CDC37: variants seen among roughly 807,000 people sequenced by gnomAD.
CDC37 encodes the protein cell division cycle 37, HSP90 cochaperone.
In CDC37, 9 loss-of-function variants were observed where a neutral mutation model predicts 46.9. The observed-to-expected ratio is 0.19, with a 90% confidence interval of 0.12 to 0.33. CDC37 has a LOEUF of 0.33. Ranked by LOEUF, CDC37 falls within the 10% of genes least tolerant of loss-of-function variation. The pLI, the probability that CDC37 is intolerant of heterozygous loss-of-function variation, is 1.00. For missense variants in CDC37, 388 were observed against 514.6 expected, an observed-to-expected ratio of 0.75 and a Z score of 2.38; for synonymous variants, 193 against 191.0, an observed-to-expected ratio of 1.01 and a Z score of -0.09.
chr19:10,399,788 C>A (rs2633972), intron 1 of CDC37, among the ~76,000 whole-genome samples: 2,737 of 151,624 alleles, frequency 0.018, 86 homozygotes, highest in African/African-American at 0.063. Context: ...AAAAATTAGC[C>A]GGGCATGGTG....
intron 5 of CDC37, among the ~76,000 whole-genome samples, chr19:10,394,178 T>C (rs1030735170): frequency 2.6e-5 from 4 of 152,070 alleles, no homozygotes; most frequent in Admixed American, 2.0e-4. Context: ...GCACTAGAAT[T>C]GCTTGAACCC....
intron 4 of CDC37, 41 bp downstream of exon 4, chr19:10,395,187 T>C (rs1428649473): frequency 6.2e-7 from 1 of 1,613,006 alleles, no homozygotes; most frequent in Non-Finnish European, 8.5e-7. Context: ...GGCGGCCTCA[T>C]GGCAGCGCCT....
chr19:10,391,764 C>A, intron 7 of CDC37, 58 bp from the exon 8 acceptor site: 1 of 1,573,012 alleles, frequency 6.4e-7, no homozygotes, highest in South Asian at 1.1e-5. Context: ...CCCCGTTGTC[C>A]CCGTTGTCCC....
chr19:10,402,399 C>A (rs1440304963), intron 1 of CDC37, among the ~76,000 whole-genome samples: 3 of 151,850 alleles, frequency 2.0e-5, no homozygotes, highest in Non-Finnish European at 4.4e-5. Flanking sequence ...CCAGGAGAGT[C>A]CCTGGATAAG....
intron 7 of CDC37, 176 bp downstream of exon 7, chr19:10,392,910 T>G: frequency 1.6e-6 from 1 of 618,264 alleles, no homozygotes; most frequent in South Asian, 1.9e-5. Context: ...TGCTGGATAC[T>G]GGGATACAGT....
rs573720965 is a variant in CDC37, at chr19:10,391,310, C to T, written c.*241G>A. 3.7e-6 allele frequency: 2 copies of T among 539,214 alleles called. No individual in the cohort carries two copies. Among genetic ancestry groups the T allele is most frequent in the East Asian group, 6.7e-5 (2 of 29,972 alleles). The allele number at this position is 539,214 out of a possible 1,614,324, so 33.4% of individuals were successfully genotyped here. A position where few individuals can be genotyped will look rare whatever the true frequency, so the allele number is the denominator to read the frequency against. On this transcript the variant is annotated 3_prime_UTR_variant, in exon 8 of 8. Transcript: ENST00000222005. The stretch of plus-strand genomic sequence containing the variant: ...TCTGCCCTTCCCCGGACCCCCGGGC[C>T]TTTGGCATAATGCTGATGGGGGGCT...
chr19:10,402,267 T>G (rs2042523288), intron 1 of CDC37, among the ~76,000 whole-genome samples: 1 of 151,702 alleles, frequency 6.6e-6, no homozygotes, highest in African/African-American at 2.4e-5. Flanking sequence ...AGTCATCCCA[T>G]TGGCTCGTGA....
Position 10,393,610 on chromosome 19 carries a change from C to A in CDC37, c.727-169G>T. 1 of 657,270 alleles carries A rather than the reference C, an allele frequency of 1.5e-6. No individual in the cohort carries two copies. The highest frequency in any genetic ancestry group is 2.5e-6 in the Non-Finnish European group (1 of 403,088). 40.7% of individuals were successfully genotyped at this position (657,270 alleles called of 1,614,324 possible). ...GCCTGGGCTCCCCCGCCGGGGACCT[C>A]ATCTGGCATTTGCCAAAGACCACCT... On this transcript the variant is annotated intron_variant, in intron 5 of 7. Transcript: ENST00000222005. The surrounding 1 kb of genome is among the most constrained non-coding windows in gnomAD (Gnocchi z 4.9).
intron 7 of CDC37, chr19:10,392,782 G>A (rs1599379086): frequency 1.1e-5 from 5 of 454,068 alleles, no homozygotes; most frequent in Middle Eastern, 5.8e-4. Context: ...CCTTTCCCAC[G>A]CATTTTGTGA....
intron 5 of CDC37, among the ~76,000 whole-genome samples, chr19:10,394,008 T>G (rs2042473792): frequency 6.6e-6 from 1 of 152,158 alleles, no homozygotes; most frequent in African/African-American, 2.4e-5. Flanking sequence ...GAGGATCGCT[T>G]GAACCCAGGA....
At position 10,395,903 on chromosome 19, in the gene CDC37, T is replaced by TACCCCCCCCCC; in HGVS notation, c.378+24_378+25insGGGGGGGGGGT. ...AGGCTCTCTGGCTGCGCATGCGCAC[T>TACCCCCCCCCC]GCCCGCCCCGCCCGCCCCGCACACC... On this transcript the variant is annotated intron_variant, in intron 2 of 7. Coordinates refer to ENST00000222005, the MANE Select transcript of CDC37 (RefSeq NM_007065.4). 3.8e-6 allele frequency: 6 copies of TACCCCCCCCCC among 1,573,920 alleles called. No homozygotes were observed. The Admixed American group carries it at 1.0e-4, about 27-fold the overall frequency.
At chr19:10,399,875 T>A (rs2042509519) in intron 1 of CDC37, among the ~76,000 whole-genome samples, 1 of 138,434 alleles carries the variant, frequency 7.2e-6, no homozygotes, top group Non-Finnish European at 1.5e-5. Context: ...GAGGTTACAG[T>A]GAGCCGAGAT....
chr19:10,395,365 G>A (rs762179256), intron 3 of CDC37, 22 bp from the exon 4 acceptor site: 4 of 1,610,996 alleles, frequency 2.5e-6, no homozygotes, highest in South Asian at 2.2e-5. Context: ...TGCTGGCAAG[G>A]TGCTGGAGGG....
chr19:10,398,423 T>G lies in CDC37; in HGVS notation c.103-2220A>C, dbSNP rs1263980398. ...GACCTCCTGTGACCATCTGACGATG[T>G]GGTGAGGGTGCTGGAGGACAGCCTT... On this transcript the variant is annotated intron_variant, in intron 1 of 7. Coordinates refer to ENST00000222005, the MANE Select transcript of CDC37 (RefSeq NM_007065.4). The surrounding 1 kb of genome is among the most constrained non-coding windows in gnomAD (Gnocchi z 4.2). Among the ~76,000 whole-genome samples, 1 of 152,216 alleles carries G rather than the reference T, an allele frequency of 6.6e-6. No individual in the cohort carries two copies. Among genetic ancestry groups the G allele is most frequent in the African/African-American group, 2.4e-5 (1 of 41,458 alleles).
At chr19:10,402,157 C>CAAAAAAAAAAAA (rs753021871) in intron 1 of CDC37, among the ~76,000 whole-genome samples, 14 of 63,834 alleles carry the variant, frequency 2.2e-4, no homozygotes, top group African/African-American at 8.9e-4. Flanking sequence ...AACTTCGTCT[C>CAAAAAAAAAAAA]AAAAAAAAAA....
rs1439516669 is a variant in CDC37 at position 10,396,095 on chromosome 19, G to T, written c.211C>A (p.Leu71Met). Residue 71 changes from leucine (L) to methionine (M), a missense_variant, in exon 2 of 8, where the codon CTG (leucine) becomes ATG (methionine). Around this residue, in one of 2 missense-constraint regions of CDC37, gnomAD observed 374 missense variants for 467.4 expected, o/e 0.80. Transcript: ENST00000222005. This position sits in a 1 kb window ranked among gnomAD's most constrained non-coding sequence, Gnocchi z 5.9. ...GCCTTGCCGCCCTCGGCCACCTCCA[G>T]CTCCTTCAGTTTCCTCTGGCACTCG... The part of the protein sequence containing the change: ...VAECQRKLKE[L>M]EVAEGGKAEL... 1 of 1,614,028 alleles carries T rather than the reference G, an allele frequency of 6.2e-7. No homozygotes were observed. The highest frequency in any genetic ancestry group is 1.1e-5 in the South Asian group (1 of 91,072).
rs979304072 is a variant in CDC37 at position 10,398,828 on chromosome 19, T to C, written c.103-2625A>G. On this transcript the variant is annotated intron_variant, in intron 1 of 7. Transcript: ENST00000222005. This position sits in a 1 kb window ranked among gnomAD's most constrained non-coding sequence, Gnocchi z 4.2. ...TTACTACATGGTCACAGCACCCGGC[T>C]GTGCCACTGACGGGAGATGGAACTT... is the stretch of plus-strand genomic sequence containing the variant. 1.3e-5 allele frequency among the ~76,000 whole-genome samples: 2 copies of C among 152,204 alleles called. No individual in the cohort carries two copies. Among genetic ancestry groups the C allele is most frequent in the African/African-American group, 4.8e-5 (2 of 41,458 alleles).
chr19:10,399,443 G>A (rs937670841), intron 1 of CDC37, among the ~76,000 whole-genome samples: 27 of 124,690 alleles, frequency 2.2e-4, no homozygotes, highest in African/African-American at 5.4e-4. Context: ...CAGCCTGGGC[G>A]ACAGAGCATG....
At chr19:10,402,592 C>T (rs1188504017) in intron 1 of CDC37, among the ~76,000 whole-genome samples, 1 of 152,086 alleles carries the variant, frequency 6.6e-6, no homozygotes, top group African/African-American at 2.4e-5. Context: ...GGGGCTCTGG[C>T]TAGGCCGGAA....
Sources: allele counts gnomAD v4.1 joint callset (sites outside exome capture counted in the v4.1 genomes callset), GRCh38; gene constraint gnomAD v4.1.1; regional missense constraint gnomAD v4.1.1; non-coding constraint Gnocchi (gnomAD v3.1); transcripts MANE v1.5; gene names NCBI Gene and HGNC (gene_info 2026-07-23, HGNC 2026-07-21).